Variants in GABRA3 observed in about 807,000 individuals in gnomAD.
GABRA3 encodes the protein gamma-aminobutyric acid receptor subunit alpha-3.
A neutral mutation model predicts 30.1 loss-of-function variants in GABRA3; 10 were observed. That is an observed-to-expected ratio of 0.33 (90% CI 0.20 to 0.56). GABRA3 has a LOEUF of 0.56. GABRA3 is among the 20% of genes least tolerant of loss of function. GABRA3 has a pLI of 0.89. For missense variants in GABRA3, 233 were observed against 392.0 expected, an observed-to-expected ratio of 0.59 and a Z score of 3.42; for synonymous variants, 151 against 146.8, an observed-to-expected ratio of 1.03 and a Z score of -0.21.
chrX:152,364,536 G>T lies in GABRA3; in HGVS notation c.35C>A (p.Thr12Asn), dbSNP rs200794179. 7 of 1,206,918 alleles carry T rather than the reference G, an allele frequency of 5.8e-6. No individual in the cohort carries two copies. Among genetic ancestry groups the T allele is most frequent in the Non-Finnish European group, 6.7e-6 (6 of 893,290 alleles). The change falls in exon 2 of 10, where the codon ACC becomes AAC. Residue 12 changes from threonine (T) to asparagine (N), a missense_variant. Physicochemically the swap from Thr to Asn is moderately conservative, Grantham distance 65. Coordinates refer to ENST00000370314, the MANE Select transcript of GABRA3 (RefSeq NM_000808.4). ...IITQTSHCYM[T>N]SLGILFLINI... ...AATCAGGAAAAGAATCCCAAGGCTG[G>T]TCATGTAACAGTGACTTGTTTGTGT...
intron 1 of GABRA3, among the ~76,000 whole-genome samples, chrX:152,389,736 A>AG (rs760140177): frequency 6.5e-4 from 72 of 111,627 alleles, no homozygotes; most frequent in Non-Finnish European, 1.1e-3. Flanking sequence ...ATGATATAGA[A>AG]GGAGACAACA....
chrX:152,184,703 TTCTTCTATAGCTATGTTAATA>T (rs748298207), intron 9 of GABRA3, among the ~76,000 whole-genome samples: 27 of 111,727 alleles, frequency 2.4e-4, no homozygotes, highest in Non-Finnish European at 3.6e-4. Context: ...TCAATGTTCA[TTCTTCTATAGCTATGTTAATA>T]TCTCTTGTCT....
At chrX:152,304,899 A>G (rs1939697454) in intron 3 of GABRA3, among the ~76,000 whole-genome samples, 1 of 111,779 alleles carries the variant, frequency 8.9e-6, no homozygotes, top group Non-Finnish European at 1.9e-5. Context: ...TGCTTTGGGC[A>G]GTATGGCCAT....
intron 5 of GABRA3, among the ~76,000 whole-genome samples, chrX:152,240,852 CT>C (rs1938347248): frequency 1.1e-5 from 1 of 92,663 alleles, no homozygotes; most frequent in Non-Finnish European, 2.1e-5. Flanking sequence ...CCATCAGCTC[CT>C]TTAAGTACTT....
chrX:152,219,688 AT>A (rs1444054510), intron 6 of GABRA3, among the ~76,000 whole-genome samples: 1 of 111,212 alleles, frequency 9.0e-6, no homozygotes, highest in Non-Finnish European at 1.9e-5. Flanking sequence ...GATTTTGCTT[AT>A]TATGTGTGTT....
chrX:152,202,044 CAG>C (rs111534079), intron 7 of GABRA3, among the ~76,000 whole-genome samples: 53 of 112,096 alleles, frequency 4.7e-4, no homozygotes, highest in African/African-American at 1.7e-3. Context: ...TTAGGGAAAA[CAG>C]GGGATGGTGT....
chrX:152,386,205 T>C (rs1929305228), intron 1 of GABRA3, among the ~76,000 whole-genome samples: 1 of 108,521 alleles, frequency 9.2e-6, no homozygotes, highest in South Asian at 4.1e-4. Context: ...TTTCACGATA[T>C]TGATTCTTCC....
At chrX:152,173,310 G>T (rs941644566) in intron 9 of GABRA3, among the ~76,000 whole-genome samples, 6 of 110,682 alleles carry the variant, frequency 5.4e-5, no homozygotes, top group Non-Finnish European at 9.4e-5. Context: ...GAGAAGGAAA[G>T]AATGGATGAG....
chrX:152,197,300 C>A (rs1341650709), intron 8 of GABRA3, among the ~76,000 whole-genome samples: 1 of 111,727 alleles, frequency 9.0e-6, no homozygotes, highest in Non-Finnish European at 1.9e-5. Context: ...ATACTCTGTT[C>A]AGACAGCTTG....
At chrX:152,323,986 T>C (rs1569396646) in intron 3 of GABRA3, among the ~76,000 whole-genome samples, 1 of 112,399 alleles carries the variant, frequency 8.9e-6, no homozygotes. Flanking sequence ...CACTATGTCT[T>C]ATCCAACCTT....
intron 9 of GABRA3, among the ~76,000 whole-genome samples, chrX:152,181,579 C>A (rs916646672): frequency 1.0e-3 from 111 of 109,763 alleles, no homozygotes; most frequent in Middle Eastern, 4.8e-3. Flanking sequence ...GAACAAAAAA[C>A]CAAACGCTGC....
chrX:152,178,523 C>G (rs1034497783), intron 9 of GABRA3, among the ~76,000 whole-genome samples: 11 of 110,465 alleles, frequency 1.0e-4, no homozygotes, highest in Non-Finnish European at 1.5e-4. Flanking sequence ...AATGTTTTCT[C>G]CAATGTAAAA....
intron 4 of GABRA3, among the ~76,000 whole-genome samples, chrX:152,267,431 T>C (rs1355586219): frequency 8.9e-6 from 1 of 111,890 alleles, no homozygotes; most frequent in African/African-American, 3.2e-5. Context: ...TTGTTGAGGA[T>C]TTTTGTATCT....
At chrX:152,408,980 C>T (rs73241885) in intron 1 of GABRA3, among the ~76,000 whole-genome samples, 2 of 111,714 alleles carry the variant, frequency 1.8e-5, no homozygotes, top group African/African-American at 3.2e-5. Flanking sequence ...AAGGACACCC[C>T]TTCAATATAT....
chrX:152,357,188 A>G (rs1680975412), intron 2 of GABRA3, among the ~76,000 whole-genome samples: 1 of 111,859 alleles, frequency 8.9e-6, no homozygotes, highest in Non-Finnish European at 1.9e-5. Flanking sequence ...ACAATGGCTG[A>G]ACTAATTTAC....
intron 1 of GABRA3, among the ~76,000 whole-genome samples, chrX:152,369,594 C>T (rs761633387): frequency 6.3e-5 from 7 of 111,101 alleles, no homozygotes; most frequent in South Asian, 3.8e-4. Context: ...TAATTTGTTC[C>T]GTCACTTCCT....
In GABRA3 at chrX:152,324,649, A is replaced by T. The variant is rs73623083; in HGVS notation, c.262+20932T>A. Among the ~76,000 whole-genome samples the T allele has an allele frequency of 7.9e-3, 882 of 112,088 alleles. 11 individuals are homozygous for T. The highest frequency in any genetic ancestry group is 0.027 in the African/African-American group (845 of 30,928). On this transcript the variant is annotated intron_variant, in intron 3 of 9. Transcript: ENST00000370314. The stretch of plus-strand genomic sequence containing the variant: ...CTAATATCAGGCTTTGTCCTTAAAT[A>T]ATTATACTAAAAATAAAGACATAGA...
chrX:152,439,906 A>C (rs1200606861), intron 1 of GABRA3, among the ~76,000 whole-genome samples: 1 of 112,035 alleles, frequency 8.9e-6, no homozygotes, highest in African/African-American at 3.2e-5. Context: ...CTAAGACCTA[A>C]AACCATAAAA....
intron 3 of GABRA3, among the ~76,000 whole-genome samples, chrX:152,306,153 A>G (rs1176887667): frequency 8.9e-6 from 1 of 112,250 alleles, no homozygotes; most frequent in Non-Finnish European, 1.9e-5. Context: ...ATACCCTGTC[A>G]AATATCTAGA....
Sources: gnomAD v4.1 joint callset for allele counts (sites outside exome capture counted in the v4.1 genomes callset) on GRCh38, gnomAD v4.1.1 for gene constraint, MANE v1.5 for transcripts, NCBI Gene and HGNC (gene_info 2026-07-23, HGNC 2026-07-21) for gene names.